NFAM1: variants seen among roughly 807,000 people sequenced by gnomAD.
NFAM1 encodes the protein NFAT activating protein with ITAM motif 1.
A neutral mutation model predicts 29.0 loss-of-function variants in NFAM1; 17 were observed. The ratio of observed to expected loss-of-function variants is 0.59; its 90% CI spans 0.40 to 0.88. NFAM1 has a LOEUF of 0.88. NFAM1 is among the 40% of genes least tolerant of loss of function. The pLI, the probability that NFAM1 is intolerant of heterozygous loss-of-function variation, is 0.00. For missense variants in NFAM1, 324 were observed against 344.6 expected, an observed-to-expected ratio of 0.94 and a Z score of 0.47; for synonymous variants, 175 against 147.2, an observed-to-expected ratio of 1.19 and a Z score of -1.36.
At chr22:42,414,473 C>T (rs1036216078) in intron 1 of NFAM1, among the ~76,000 whole-genome samples, 3 of 151,376 alleles carry the variant, frequency 2.0e-5, no homozygotes, top group South Asian at 2.1e-4. Flanking sequence ...GGGATGGTGG[C>T]GCGTGTCTGT....
chr22:42,411,553 C>G lies in NFAM1; in HGVS notation c.305G>C (p.Gly102Ala), dbSNP rs1442633686. Residue 102 changes from glycine to alanine, a missense_variant, in exon 2 of 6, where the codon GGA becomes GCA. Coordinates refer to ENST00000329021, the MANE Select transcript of NFAM1 (RefSeq NM_145912.8). ...SPKKPTNCHP[G>A]LGTENQSHTL... is the part of the protein sequence containing the mutation. ...GTGGCTCTGGTTCTCTGTGCCCAGT[C>G]CAGGGTGGCAGTTTGTTGGCTTCTT... 6.2e-7 allele frequency: 1 copy of G among 1,614,204 alleles called. No individual in the cohort carries two copies. The highest frequency in any genetic ancestry group is 1.1e-5 in the South Asian group (1 of 91,090).
In NFAM1 at chr22:42,411,748, G is replaced by A. The variant is rs779406682; in HGVS notation, c.122-12C>T. On this transcript the variant is annotated splice_polypyrimidine_tract_variant and intron_variant, in intron 1 of 5. Coordinates refer to ENST00000329021, the MANE Select transcript of NFAM1 (RefSeq NM_145912.8). Reference sequence around the variant, plus strand: ...CACTGACTGTCCTCCTGGAGGGGAAGCAAAGGGAGAGAGCAACAGGTCACT... The same window carrying A: ...CACTGACTGTCCTCCTGGAGGGGAAACAAAGGGAGAGAGCAACAGGTCACT... The A allele has an allele frequency of 6.2e-7, 1 of 1,601,114 alleles. No individual in the cohort carries two copies. The highest frequency in any genetic ancestry group is 1.1e-5 in the South Asian group (1 of 90,672).
In NFAM1 at chr22:42,419,989, G is replaced by GTTTTTTTTTTT. The variant is rs1491236869; in HGVS notation, c.122-8254_122-8253insAAAAAAAAAAA. 4.1e-4 allele frequency among the ~76,000 whole-genome samples: 23 copies of GTTTTTTTTTTT among 56,528 alleles called. 10 individuals are homozygous for GTTTTTTTTTTT. Among genetic ancestry groups the GTTTTTTTTTTT allele is most frequent in the Non-Finnish European group, 6.1e-4 (18 of 29,690 alleles). The allele number at this position is 56,528 out of a possible 152,430, so 37.1% of individuals were successfully genotyped here. A position where few individuals can be genotyped will look rare whatever the true frequency, so the allele number is the denominator to read the frequency against. On this transcript the variant is annotated intron_variant, in intron 1 of 5. Coordinates refer to ENST00000329021, the MANE Select transcript of NFAM1 (RefSeq NM_145912.8). This position sits in a 1 kb window ranked among gnomAD's most constrained non-coding sequence, Gnocchi z 4.5. ...CCTTTGAGTCTGTAATCCCACTCTT[G>GTTTTTTTTTTT]GTTTTTTTTTTTTTTTTTTTTTTTT...
chr22:42,409,219 G>A lies in NFAM1; in HGVS notation c.564+216C>T, dbSNP rs748244299. Among the ~76,000 whole-genome samples the A allele has an allele frequency of 6.6e-6, 1 of 152,224 alleles. No individual in the cohort carries two copies. Among genetic ancestry groups the A allele is most frequent in the Non-Finnish European group, 1.5e-5 (1 of 68,036 alleles). On this transcript the variant is annotated intron_variant, in intron 3 of 5. Transcript: ENST00000329021. This position sits in a 1 kb window ranked among gnomAD's most constrained non-coding sequence, Gnocchi z 4.9. Reference sequence around the variant, plus strand: ...ACCTGGGAAAGCCTGCAGAGCCCTGGTTTCTTGCAACAAGATCAAAAGGCA... The same window carrying A: ...ACCTGGGAAAGCCTGCAGAGCCCTGATTTCTTGCAACAAGATCAAAAGGCA...
chr22:42,402,632 G>T (rs1435607559), intron 3 of NFAM1, among the ~76,000 whole-genome samples: 1 of 149,200 alleles, frequency 6.7e-6, no homozygotes, highest in African/African-American at 2.5e-5. Context: ...TGTGCCCAAT[G>T]CCATGAGAGG....
chr22:42,387,947 C>T (rs760464963), intron 4 of NFAM1, among the ~76,000 whole-genome samples: 4 of 152,240 alleles, frequency 2.6e-5, no homozygotes, highest in Non-Finnish European at 4.4e-5. Flanking sequence ...GTCCTGCTCC[C>T]ACCAGCATCT....
upstream of NFAM1, chr22:42,432,490 G>C: frequency 2.3e-6 from 3 of 1,327,772 alleles, no homozygotes; most frequent in South Asian, 3.1e-5. Flanking sequence ...AGCAAAGCTG[G>C]AACAGCCCAG....
chr22:42,415,473 G>A (rs1930230817), intron 1 of NFAM1, among the ~76,000 whole-genome samples: 1 of 151,854 alleles, frequency 6.6e-6, no homozygotes, highest in South Asian at 2.1e-4. Context: ...CTAATTTTTT[G>A]TATTTTTAGT....
intron 1 of NFAM1, among the ~76,000 whole-genome samples, chr22:42,415,294 C>CTTTTTTTTTT (rs398037250): frequency 2.0e-4 from 19 of 94,834 alleles, no homozygotes; most frequent in African/African-American, 5.0e-4. Context: ...TTCTTTCTTT[C>CTTTTTTTTTT]TTTTTTTTTT....
upstream of NFAM1, among the ~76,000 whole-genome samples, chr22:42,436,296 C>T (rs1039982608): frequency 4.8e-4 from 73 of 152,188 alleles, no homozygotes; most frequent in Non-Finnish European, 2.1e-4. Flanking sequence ...CCTTCCTCCC[C>T]AAAGACTCCA....
In NFAM1 at chr22:42,381,154, G is replaced by A. The variant is rs1928933069; in HGVS notation, c.*4007C>T. The A allele has an allele frequency of 6.5e-6, 1 of 152,690 alleles. No homozygotes were observed. Among genetic ancestry groups the A allele is most frequent in the Non-Finnish European group, 1.5e-5 (1 of 68,060 alleles). The allele number at this position is 152,690 out of a possible 1,614,324, so 9.5% of individuals were successfully genotyped here. A position where few individuals can be genotyped will look rare whatever the true frequency, so the allele number is the denominator to read the frequency against. On this transcript the variant is annotated 3_prime_UTR_variant, in exon 6 of 6. Coordinates refer to ENST00000329021, the MANE Select transcript of NFAM1 (RefSeq NM_145912.8). Reference sequence around the variant, plus strand: ...GCTAGGGTGGCACCAGACTTCCCTGGTCCCACAGGACAGCCAGTGGCCTCC... The same window carrying A: ...GCTAGGGTGGCACCAGACTTCCCTGATCCCACAGGACAGCCAGTGGCCTCC...
chr22:42,421,995 G>A (rs1930460884), intron 1 of NFAM1, among the ~76,000 whole-genome samples: 1 of 152,236 alleles, frequency 6.6e-6, no homozygotes, highest in Admixed American at 6.5e-5. Flanking sequence ...GGTGAGGGAG[G>A]GGCATTTTGC....
rs1012696010 is a variant in NFAM1 at position 42,419,985 on chromosome 22, T to G, written c.122-8249A>C. 1.6e-4 allele frequency among the ~76,000 whole-genome samples: 13 copies of G among 82,408 alleles called. No homozygotes were observed. The highest frequency in any genetic ancestry group is 2.9e-4 in the Admixed American group (2 of 6,912). The allele number at this position is 82,408 out of a possible 152,430, so 54.1% of individuals were successfully genotyped here. ...GGTCCCTTTGAGTCTGTAATCCCAC[T>G]CTTGGTTTTTTTTTTTTTTTTTTTT... On this transcript the variant is annotated intron_variant, in intron 1 of 5. Transcript: ENST00000329021. The surrounding 1 kb of genome is among the most constrained non-coding windows in gnomAD (Gnocchi z 4.5).
At chr22:42,431,270 GTGGCCAGTAC>G (rs1930787453) in intron 1 of NFAM1, among the ~76,000 whole-genome samples, 1 of 152,190 alleles carries the variant, frequency 6.6e-6, no homozygotes, top group African/African-American at 2.4e-5. Context: ...TGCTGTGAGG[GTGGCCAGTAC>G]GTGCCCTGCT....
intron 1 of NFAM1, among the ~76,000 whole-genome samples, chr22:42,426,420 G>A (rs1189231921): frequency 6.6e-6 from 1 of 152,132 alleles, no homozygotes; most frequent in Non-Finnish European, 1.5e-5. Context: ...TCGGCACCCT[G>A]CACAGCCTCC....
At chr22:42,387,103 C>G in intron 4 of NFAM1, 25 bp from the exon 5 acceptor site, 2 of 1,432,860 alleles carry the variant, frequency 1.4e-6, no homozygotes, top group Non-Finnish European at 1.9e-6. Context: ...GTGCCAGGAT[C>G]AGGGGCAAGT....
intron 1 of NFAM1, among the ~76,000 whole-genome samples, chr22:42,427,297 G>T (rs928370668): frequency 6.6e-6 from 1 of 152,120 alleles, no homozygotes; most frequent in Non-Finnish European, 1.5e-5. Flanking sequence ...CACTACACAG[G>T]GGGTCTCATT....
chr22:42,432,032 C>T lies in NFAM1; in HGVS notation c.121+205G>A, dbSNP rs537703088. Among the ~76,000 whole-genome samples the T allele has an allele frequency of 1.7e-3, 265 of 152,322 alleles. 1 individual carries two copies. The highest frequency in any genetic ancestry group is 2.7e-3 in the Non-Finnish European group (182 of 68,032). On this transcript the variant is annotated intron_variant, in intron 1 of 5. Coordinates refer to ENST00000329021, the MANE Select transcript of NFAM1 (RefSeq NM_145912.8). ...GCGAGGGAGAGAGCGCTGTCCCCCT[C>T]CCCTTCAAAAGCCACCTTGGCAAGG...
At position 42,409,588 on chromosome 22, in the gene NFAM1, G is replaced by A; in HGVS notation, c.452-41C>T. The A allele has an allele frequency of 1.0e-6, 1 of 1,000,900 alleles. No homozygotes were observed. The highest frequency in any genetic ancestry group is 1.4e-6 in the Non-Finnish European group (1 of 693,668). 62.0% of individuals were successfully genotyped at this position (1,000,900 alleles called of 1,614,324 possible). ...GGGGAGCAGAGGGGTCAGTGACCCAGGAGAAAGCGGGGCACACACACCTGA... is the reference window on the plus strand; with the variant it reads ...GGGGAGCAGAGGGGTCAGTGACCCAAGAGAAAGCGGGGCACACACACCTGA... On this transcript the variant is annotated intron_variant, in intron 2 of 5. Transcript: ENST00000329021. The surrounding 1 kb of genome is among the most constrained non-coding windows in gnomAD (Gnocchi z 4.9).
Sources: allele counts gnomAD v4.1 joint callset (sites outside exome capture counted in the v4.1 genomes callset), GRCh38; gene constraint gnomAD v4.1.1; non-coding constraint Gnocchi (gnomAD v3.1); transcripts MANE v1.5; gene names NCBI Gene and HGNC (gene_info 2026-07-23, HGNC 2026-07-21).